ZPLD1: variants seen among roughly 807,000 people sequenced by gnomAD.
The protein encoded by ZPLD1 is zona pellucida like domain containing 1, also known as zona pellucida-like domain-containing protein 1.
ZPLD1 carries 34 observed loss-of-function variants against 47.2 expected under a neutral mutation model. The ratio of observed to expected loss-of-function variants is 0.72; its 90% CI spans 0.55 to 0.96. The LOEUF is 0.96. Among genes scored for constraint, ZPLD1 ranks in the 40% least tolerant of loss-of-function variants. ZPLD1 has a pLI of 0.00. For missense variants in ZPLD1, 512 were observed against 505.8 expected (o/e 1.01, Z -0.12); for synonymous variants, 176 against 186.2 (o/e 0.95, Z 0.45).
At chr3:102,424,558 A>G (rs1706918840) in intron 8 of ZPLD1, among the ~76,000 whole-genome samples, 4 of 152,100 alleles carry the variant, frequency 2.6e-5, no homozygotes, top group Non-Finnish European at 1.5e-5. Flanking sequence ...CTTGTTTGCT[A>G]CTTCTGCGAA....
intron 7 of ZPLD1, among the ~76,000 whole-genome samples, chr3:102,403,063 T>C (rs1350555680): frequency 5.3e-5 from 8 of 152,040 alleles, no homozygotes; most frequent in African/African-American, 1.9e-4. Context: ...TTATTATTAT[T>C]ATTTACAGTT....
intron 3 of ZPLD1, among the ~76,000 whole-genome samples, chr3:102,438,977 T>C (rs181044975): frequency 6.6e-6 from 1 of 152,272 alleles, no homozygotes; most frequent in East Asian, 1.9e-4. Context: ...TGTAAAATAT[T>C]GTACAATACA....
At chr3:102,428,988 T>C (rs1319699799) in intron 8 of ZPLD1, among the ~76,000 whole-genome samples, 1 of 152,158 alleles carries the variant, frequency 6.6e-6, no homozygotes, top group Admixed American at 6.5e-5. Flanking sequence ...ATGCCTGGGC[T>C]TAAGTGATAC....
chr3:102,460,773 A>T (rs1707494788), intron 6 of ZPLD1, among the ~76,000 whole-genome samples: 1 of 152,006 alleles, frequency 6.6e-6, no homozygotes, highest in Admixed American at 6.5e-5. Context: ...CAGGTGGATC[A>T]TATGTCATTT....
At chr3:102,433,652 C>A (rs1032273263), upstream of ZPLD1, among the ~76,000 whole-genome samples, 5 of 152,118 alleles carry the variant, frequency 3.3e-5, no homozygotes, top group Admixed American at 1.3e-4. Context: ...CTCAGCCTCC[C>A]GAGTAACTGG....
Position 102,469,074 on chromosome 3 carries a change from C to G in ZPLD1, c.872C>G (p.Thr291Ser). 1 of 1,614,200 alleles carries G rather than the reference C, an allele frequency of 6.2e-7. No individual in the cohort carries two copies. The change falls in exon 9 of 12, where the codon ACT (threonine) becomes AGT (serine). Residue 291 changes from threonine to serine, a missense_variant. Transcript: ENST00000466937. ...AAACACAAGAATCAGAAAATGTCCA[C>G]TGTCTTCTTGCACTGCGTTACCAAG... ...FVKHKNQKMS[T>S]VFLHCVTKLC... is the part of the protein sequence containing the mutation.
chr3:102,418,683 T>A (rs1407795969), intron 8 of ZPLD1, among the ~76,000 whole-genome samples: 1 of 152,016 alleles, frequency 6.6e-6, no homozygotes, highest in East Asian at 1.9e-4. Context: ...ATTTTAGATT[T>A]CTTATCAGGG....
chr3:102,402,670 T>C (rs1425046852), intron 7 of ZPLD1, among the ~76,000 whole-genome samples: 1 of 151,914 alleles, frequency 6.6e-6, no homozygotes, highest in Non-Finnish European at 1.5e-5. Context: ...TCCAAGGCAA[T>C]AGAACAATAT....
intron 6 of ZPLD1, among the ~76,000 whole-genome samples, chr3:102,387,545 T>C (rs536805644): frequency 3.9e-4 from 59 of 152,290 alleles, no homozygotes; most frequent in African/African-American, 1.4e-3. Context: ...CAATCAGGAC[T>C]GGCTCTTGGA....
chr3:102,408,282 GAT>G (rs1706714405), intron 7 of ZPLD1, among the ~76,000 whole-genome samples: 1 of 151,756 alleles, frequency 6.6e-6, no homozygotes, highest in Admixed American at 6.6e-5. Context: ...AAGGGCAAAA[GAT>G]ACACTGAGTA....
chr3:102,457,661 A>G, intron 5 of ZPLD1, 120 bp from the exon 6 acceptor site: 1 of 831,148 alleles, frequency 1.2e-6, no homozygotes, highest in Non-Finnish European at 2.0e-6. Context: ...TAGCAACTCC[A>G]GGTATAATTA....
rs571383897 is a variant in ZPLD1 at position 102,450,632 on chromosome 3, G to A, written c.107-2287G>A. Among the ~76,000 whole-genome samples, 9 of 152,200 alleles carry A rather than the reference G, an allele frequency of 5.9e-5. No homozygotes were observed. In the South Asian group the frequency reaches 1.9e-3, roughly 32 times the overall value. On this transcript the variant is annotated intron_variant, in intron 3 of 11. Coordinates refer to ENST00000466937, the MANE Select transcript of ZPLD1 (RefSeq NM_001329788.2). Reference sequence around the variant, plus strand: ...CAAAAAGTAGCTGTTGAAAATCTGAGCATGAGGATGACACGACTGGATTAA... The same window carrying A: ...CAAAAAGTAGCTGTTGAAAATCTGAACATGAGGATGACACGACTGGATTAA...
upstream of ZPLD1, among the ~76,000 whole-genome samples, chr3:102,431,680 G>A (rs1051170172): frequency 6.6e-6 from 1 of 152,166 alleles, no homozygotes; most frequent in Non-Finnish European, 1.5e-5. Flanking sequence ...AGGCCGGGGT[G>A]TGTGGATCAC....
At chr3:102,473,780 T>C (rs1461688245) in intron 10 of ZPLD1, among the ~76,000 whole-genome samples, 1 of 152,266 alleles carries the variant, frequency 6.6e-6, no homozygotes, top group South Asian at 2.1e-4. Context: ...CACATGCAAA[T>C]CCTGTGCAAA....
intron 10 of ZPLD1, 84 bp downstream of exon 10, chr3:102,470,586 G>A (rs551176824): frequency 1.9e-6 from 2 of 1,041,814 alleles, no homozygotes; most frequent in Non-Finnish European, 2.9e-6. Flanking sequence ...ACTCAAAGTG[G>A]TTCCTAAACA....
chr3:102,409,379 A>G (rs1706725982), intron 7 of ZPLD1, among the ~76,000 whole-genome samples: 1 of 151,776 alleles, frequency 6.6e-6, no homozygotes, highest in African/African-American at 2.4e-5. Context: ...CCTCTGATAA[A>G]CACCACCTCT....
intron 7 of ZPLD1, among the ~76,000 whole-genome samples, 154 bp from the exon 8 acceptor site, chr3:102,464,017 T>A (rs1163205350): frequency 1.3e-5 from 2 of 151,836 alleles, no homozygotes; most frequent in East Asian, 3.9e-4. Context: ...GCCACTGCAC[T>A]CCAGTCTGGG....
intron 7 of ZPLD1, among the ~76,000 whole-genome samples, 198 bp from the exon 8 acceptor site, chr3:102,463,973 C>T (rs930158082): frequency 6.6e-6 from 1 of 151,900 alleles, no homozygotes. Context: ...TGTCGTGAAC[C>T]CAGGAGGCGG....
At chr3:102,475,302 G>T (rs2107360548) in intron 10 of ZPLD1, among the ~76,000 whole-genome samples, 1 of 152,200 alleles carries the variant, frequency 6.6e-6, no homozygotes, top group South Asian at 2.1e-4. Flanking sequence ...AGTGTTGGTG[G>T]TAATACGGGG....
Sources: gnomAD v4.1 joint callset for allele counts (sites outside exome capture counted in the v4.1 genomes callset) on GRCh38, gnomAD v4.1.1 for gene constraint, MANE v1.5 for transcripts, NCBI Gene and HGNC (gene_info 2026-07-23, HGNC 2026-07-21) for gene names.